The following CCNJL variants were observed in gnomAD, a reference collection of about 807,000 sequenced individuals.
CCNJL encodes the protein cyclin-J-like protein.
CCNJL carries 33 observed loss-of-function variants against 33.4 expected under a neutral mutation model. That is an observed-to-expected ratio of 0.99 (90% CI 0.75 to 1.32). CCNJL has a LOEUF of 1.32. Among genes scored for constraint, CCNJL ranks in the 40% most tolerant of loss-of-function variants. The pLI, the probability that CCNJL is intolerant of heterozygous loss-of-function variation, is 0.00. For synonymous variants in CCNJL, 227 were observed against 220.9 expected, an observed-to-expected ratio of 1.03 and a Z score of -0.24; for missense variants, 512 against 499.7, an observed-to-expected ratio of 1.02 and a Z score of -0.23.
rs182120103 is a variant in CCNJL at position 160,308,585 on chromosome 5, C to T, written c.66+3273G>A. On this transcript the variant is annotated intron_variant, in intron 2 of 5. Coordinates refer to ENST00000257536, the MANE Select transcript of CCNJL (RefSeq NM_001308173.3). Reference sequence around the variant, plus strand: ...ACCAGCCTGACCAACAGGTGAAACCCCGTCTCTACTAAAAATACGAAAATT... The same window carrying T: ...ACCAGCCTGACCAACAGGTGAAACCTCGTCTCTACTAAAAATACGAAAATT... Among the ~76,000 whole-genome samples the T allele has an allele frequency of 2.3e-3, 352 of 152,288 alleles. 3 individuals carry two copies. The highest frequency in any genetic ancestry group is 8.0e-3 in the African/African-American group (333 of 41,554).
intron 2 of CCNJL, among the ~76,000 whole-genome samples, chr5:160,296,998 A>G (rs1256877288): frequency 6.6e-6 from 1 of 152,196 alleles, no homozygotes; most frequent in African/African-American, 2.4e-5. Context: ...AATGGGGATA[A>G]GTATAGGACC....
intron 2 of CCNJL, among the ~76,000 whole-genome samples, chr5:160,306,963 G>A (rs1174694827): frequency 6.6e-6 from 1 of 152,226 alleles, no homozygotes; most frequent in Non-Finnish European, 1.5e-5. Flanking sequence ...GAACATGCAG[G>A]TCTGTAGGAA....
At chr5:160,308,853 T>C (rs765285238) in intron 2 of CCNJL, among the ~76,000 whole-genome samples, 1 of 152,170 alleles carries the variant, frequency 6.6e-6, no homozygotes, top group Non-Finnish European at 1.5e-5. Flanking sequence ...TAGAGTGACA[T>C]GGAGAGGCAG....
At chr5:160,303,878 G>A (rs989261485) in intron 2 of CCNJL, among the ~76,000 whole-genome samples, 1 of 152,114 alleles carries the variant, frequency 6.6e-6, no homozygotes, top group Admixed American at 6.5e-5. Context: ...GGAAGACAAA[G>A]AAGAAGTCAA....
At chr5:160,285,747 G>C (rs552966472) in intron 2 of CCNJL, among the ~76,000 whole-genome samples, 1 of 152,348 alleles carries the variant, frequency 6.6e-6, no homozygotes, top group South Asian at 2.1e-4. Context: ...CGTGGGCAGG[G>C]GCCCAGCTTG....
chr5:160,277,188 T>C (rs1241234630), intron 3 of CCNJL, among the ~76,000 whole-genome samples: 1 of 152,138 alleles, frequency 6.6e-6, no homozygotes, highest in East Asian at 1.9e-4. Context: ...TTGTGGCCTC[T>C]CTGAACCTAT....
At chr5:160,338,548 T>C (rs1763710699) in intron 1 of CCNJL, among the ~76,000 whole-genome samples, 1 of 152,186 alleles carries the variant, frequency 6.6e-6, no homozygotes, top group African/African-American at 2.4e-5. Context: ...GAACTTTTAT[T>C]CACAGAATTA....
intron 3 of CCNJL, among the ~76,000 whole-genome samples, chr5:160,263,427 G>A (rs550799661): frequency 2.6e-5 from 4 of 152,314 alleles, no homozygotes; most frequent in Non-Finnish European, 5.9e-5. Context: ...CACACATGGA[G>A]TCTATTACCG....
intron 1 of CCNJL, among the ~76,000 whole-genome samples, chr5:160,325,970 C>T (rs1376184469): frequency 6.6e-6 from 1 of 152,144 alleles, no homozygotes; most frequent in Non-Finnish European, 1.5e-5. Context: ...GCCTAGAAAG[C>T]CTATTTGCTA....
chr5:160,279,532 T>TGG (rs915022729), intron 3 of CCNJL, among the ~76,000 whole-genome samples: 2 of 152,054 alleles, frequency 1.3e-5, no homozygotes, highest in Non-Finnish European at 2.9e-5. Flanking sequence ...TGGGGGGTGG[T>TGG]GGTTGTTCAT....
intron 4 of CCNJL, among the ~76,000 whole-genome samples, chr5:160,258,757 C>T (rs576381352): frequency 2.0e-5 from 3 of 152,280 alleles, no homozygotes; most frequent in African/African-American, 7.2e-5. Flanking sequence ...AGTGCAGTGG[C>T]GCAATCTCCG....
chr5:160,315,075 T>A (rs1208257845), upstream of CCNJL, among the ~76,000 whole-genome samples: 1 of 152,242 alleles, frequency 6.6e-6, no homozygotes, highest in Admixed American at 6.5e-5. Flanking sequence ...TTCATCATAG[T>A]GAACCATTAG....
At position 160,306,049 on chromosome 5, in the gene CCNJL, G is replaced by A. The variant is rs185215096; in HGVS notation, c.66+5809C>T. 2.4e-3 allele frequency among the ~76,000 whole-genome samples: 360 copies of A among 152,248 alleles called. 5 individuals carry two copies. The highest frequency in any genetic ancestry group is 8.2e-3 in the African/African-American group (340 of 41,550). On this transcript the variant is annotated intron_variant, in intron 2 of 5. Transcript: ENST00000257536. ...AGCACTCTGAGAGGCCAAGGCGGGC[G>A]GATCACCTGAGGTCAGGAGTTAGAG...
Position 160,330,727 on chromosome 5 carries a change from G to A in CCNJL, n.206+8718C>T, listed in dbSNP as rs192237365. ...TACCCAGGCTGGAGTGCAGTGGTGC[G>A]GTCTCGGCTAACTGCAACCTCCTCC... is the stretch of plus-strand genomic sequence containing the variant. On this transcript the variant is annotated intron_variant and non_coding_transcript_variant, in intron 1 of 7. Transcript: ENST00000377503. Among the ~76,000 whole-genome samples, 39 of 151,576 alleles carry A rather than the reference G, an allele frequency of 2.6e-4. No individual in the cohort carries two copies. In the East Asian group the frequency reaches 5.3e-3, roughly 20 times the overall value.
chr5:160,280,861 G>C, intron 2 of CCNJL, 123 bp from the exon 3 acceptor site: 1 of 749,004 alleles, frequency 1.3e-6, no homozygotes, highest in Non-Finnish European at 2.3e-6. Flanking sequence ...ACCCTTCTTA[G>C]TTTTCCTGCA....
At chr5:160,265,862 A>G (rs1328304006) in intron 3 of CCNJL, among the ~76,000 whole-genome samples, 4 of 137,092 alleles carry the variant, frequency 2.9e-5, no homozygotes, top group South Asian at 6.3e-4. Context: ...CCAGGGGAAA[A>G]AAAAAAAAAA....
chr5:160,266,798 A>G (rs187450645), intron 3 of CCNJL, among the ~76,000 whole-genome samples: 195 of 152,288 alleles, frequency 1.3e-3, no homozygotes, highest in Non-Finnish European at 1.1e-3. Flanking sequence ...AGGCCCAACA[A>G]AAGGCTCCCC....
chr5:160,284,083 G>A (rs918363743), intron 2 of CCNJL, among the ~76,000 whole-genome samples: 4 of 152,192 alleles, frequency 2.6e-5, no homozygotes, highest in Admixed American at 2.0e-4. Context: ...TAGGTGCAGT[G>A]GCTCACACCT....
At chr5:160,276,910 T>A (rs1192918528) in intron 3 of CCNJL, among the ~76,000 whole-genome samples, 2 of 151,824 alleles carry the variant, frequency 1.3e-5, no homozygotes, top group Admixed American at 1.3e-4. Context: ...CAGCCTCCCA[T>A]GTAGCTGAGA....
Sources: allele counts gnomAD v4.1 joint callset (sites outside exome capture counted in the v4.1 genomes callset), GRCh38; gene constraint gnomAD v4.1.1; transcripts MANE v1.5; gene names NCBI Gene and HGNC (gene_info 2026-07-23, HGNC 2026-07-21).